Variants in GSN observed in about 807,000 individuals in gnomAD.
The protein encoded by GSN is actin-depolymerizing factor.
Under a neutral mutation model 85.7 loss-of-function variants are expected in GSN, and 56 were observed. The ratio of observed to expected loss-of-function variants is 0.65; its 90% CI spans 0.53 to 0.82. GSN has a LOEUF of 0.82. Among genes scored for constraint, GSN ranks in the 40% least tolerant of loss-of-function variants. The pLI is 0.00. For synonymous variants in GSN, 373 were observed against 399.1 expected, an observed-to-expected ratio of 0.93 and a Z score of 0.78; for missense variants, 857 against 979.8, an observed-to-expected ratio of 0.87 and a Z score of 1.67.
chr9:121,270,725 T>A (rs2055816934), intron 1 of GSN, among the ~76,000 whole-genome samples: 1 of 152,210 alleles, frequency 6.6e-6, no homozygotes, highest in South Asian at 2.1e-4. Flanking sequence ...TTGGATGCCT[T>A]CACTTTTAGC....
intron 5 of GSN, among the ~76,000 whole-genome samples, chr9:121,232,841 G>A (rs1219728860): frequency 6.6e-6 from 1 of 152,120 alleles, no homozygotes; most frequent in Non-Finnish European, 1.5e-5. Context: ...AAGAACCTCC[G>A]CTTTCCTTGA....
At chr9:121,234,173 TATTC>T (rs1251812514) in intron 5 of GSN, among the ~76,000 whole-genome samples, 14 of 152,170 alleles carry the variant, frequency 9.2e-5, no homozygotes, top group African/African-American at 3.4e-4. Flanking sequence ...CTTCTTCTTG[TATTC>T]CATTGGTTAA....
intron 7 of GSN, 96 bp from the exon 8 acceptor site, chr9:121,316,990 C>T: frequency 6.7e-7 from 1 of 1,503,398 alleles, no homozygotes; most frequent in Non-Finnish European, 9.2e-7. Flanking sequence ...CTCTACAGGG[C>T]CATTTGGGAC....
intron 6 of GSN, 196 bp downstream of exon 6, chr9:121,312,684 G>A: frequency 2.0e-6 from 1 of 511,676 alleles, no homozygotes; most frequent in South Asian, 2.7e-5. Flanking sequence ...CTGGAGTGCA[G>A]GGGCGCCATC....
At chr9:121,234,686 T>TA (rs1486294448) in intron 5 of GSN, among the ~76,000 whole-genome samples, 8 of 152,018 alleles carry the variant, frequency 5.3e-5, no homozygotes, top group East Asian at 3.9e-4. Context: ...CAAATCCAGA[T>TA]AAAAAATAAA....
At chr9:121,242,801 G>A (rs552176019) in intron 5 of GSN, among the ~76,000 whole-genome samples, 1 of 152,108 alleles carries the variant, frequency 6.6e-6, no homozygotes, top group Non-Finnish European at 1.5e-5. Flanking sequence ...GGCATGTGAT[G>A]CAATTCTGGC....
chr9:121,222,856 A>G (rs527977157), intron 4 of GSN: 1 of 151,942 alleles, frequency 6.6e-6, no homozygotes, highest in East Asian at 1.9e-4. Context: ...CCAAGTGGGT[A>G]ACGTGAGAGA....
Position 121,332,313 on chromosome 9 carries a change from G to C in GSN, c.2027-121G>C, listed in dbSNP as rs1466181371. On this transcript the variant is annotated intron_variant, in intron 17 of 17. Transcript: ENST00000432226. This position sits in a 1 kb window ranked among gnomAD's most constrained non-coding sequence, Gnocchi z 4.8. ...TGGTGCCCAGGGCAGGGGGTGGGCA[G>C]TAGGGACAGTAGGACCATAGACCCT... The C allele has an allele frequency of 3.2e-6, 3 of 928,582 alleles. No homozygotes were observed. Among genetic ancestry groups the C allele is most frequent in the African/African-American group, 1.6e-5 (1 of 61,958 alleles). The allele number at this position is 928,582 out of a possible 1,614,324, so 57.5% of individuals were successfully genotyped here.
At chr9:121,270,514 G>A (rs1046420137) in intron 1 of GSN, among the ~76,000 whole-genome samples, 4 of 152,220 alleles carry the variant, frequency 2.6e-5, no homozygotes, top group African/African-American at 9.6e-5. Context: ...CTCAGAACCT[G>A]CTATAAATTT....
At chr9:121,301,599 C>T (rs2059847026) in intron 2 of GSN, among the ~76,000 whole-genome samples, 4 of 140,356 alleles carry the variant, frequency 2.8e-5, no homozygotes, top group Non-Finnish European at 4.5e-5. Context: ...GCACTCCAGA[C>T]TGGACAACAG....
rs148414063 is a variant in GSN, at chr9:121,329,340, C to G, written c.1965+25C>G. The stretch of plus-strand genomic sequence containing the variant: ...GGTGGGTGAAGGACAGGTGAAGGCT[C>G]TCTGTGCCAGAGGGAGTGGGAGAAA... On this transcript the variant is annotated intron_variant, in intron 16 of 17. Coordinates refer to ENST00000432226, the MANE Select transcript of GSN (RefSeq NM_198252.3). The surrounding 1 kb of genome is among the most constrained non-coding windows in gnomAD (Gnocchi z 4.6). The G allele has an allele frequency of 2.6e-4, 353 of 1,382,014 alleles. 3 individuals carry two copies. The Middle Eastern group carries it at 3.5e-3, about 14-fold the overall frequency. 85.6% of individuals were successfully genotyped at this position (1,382,014 alleles called of 1,614,324 possible).
At chr9:121,237,239 T>C (rs868048999) in intron 5 of GSN, among the ~76,000 whole-genome samples, 30 of 152,290 alleles carry the variant, frequency 2.0e-4, no homozygotes, top group Non-Finnish European at 1.2e-4. Context: ...ATCTATTTAT[T>C]GTATAAGAAA....
At chr9:121,321,903 G>A (rs1182427190) in intron 11 of GSN, among the ~76,000 whole-genome samples, 4 of 151,904 alleles carry the variant, frequency 2.6e-5, no homozygotes, top group Admixed American at 6.6e-5. Flanking sequence ...CACCATGCCT[G>A]GCTAATTTTT....
intron 6 of GSN, among the ~76,000 whole-genome samples, chr9:121,253,613 T>G (rs753835008): frequency 1.3e-5 from 2 of 152,218 alleles, no homozygotes; most frequent in Non-Finnish European, 2.9e-5. Context: ...CAGGCATCAA[T>G]GTGTTCACTG....
rs188556391 is a variant in GSN, at chr9:121,247,454, A to G, written c.-388-822A>G. Among the ~76,000 whole-genome samples, 190 of 152,334 alleles carry G rather than the reference A, an allele frequency of 1.2e-3. 1 individual carries two copies. Among genetic ancestry groups the G allele is most frequent in the African/African-American group, 4.3e-3 (180 of 41,574 alleles). On this transcript the variant is annotated intron_variant, in intron 5 of 24. Transcript: ENST00000373823. The stretch of plus-strand genomic sequence containing the variant: ...GACTTCCACCTTCCATTCTAGTGAC[A>G]TAGTATTGAGAACATCCTGACTCAC...
At chr9:121,312,198 G>T in intron 5 of GSN, 141 bp from the exon 6 acceptor site, 2 of 822,090 alleles carry the variant, frequency 2.4e-6, no homozygotes. Context: ...TAATGCACGT[G>T]TGCAGACTGT....
intron 6 of GSN, among the ~76,000 whole-genome samples, chr9:121,250,872 GGTGT>G (rs34623899): frequency 0.13 from 16,859 of 134,780 alleles, 1,720 homozygotes; most frequent in African/African-American, 0.29. Flanking sequence ...GCCTGCTTGG[GGTGT>G]GTGTGTGTGT....
chr9:121,276,433 G>A (rs1476539469), intron 1 of GSN, among the ~76,000 whole-genome samples: 2 of 152,200 alleles, frequency 1.3e-5, no homozygotes, highest in South Asian at 2.1e-4. Context: ...TAGAGCCCAC[G>A]CCAGGTCCCT....
chr9:121,227,889 C>G (rs1324240702), intron 4 of GSN, among the ~76,000 whole-genome samples: 1 of 152,162 alleles, frequency 6.6e-6, no homozygotes, highest in Non-Finnish European at 1.5e-5. Flanking sequence ...ATTCTGGCTC[C>G]AGCACCCCAC....
Sources: allele counts gnomAD v4.1 joint callset (sites outside exome capture counted in the v4.1 genomes callset), GRCh38; gene constraint gnomAD v4.1.1; non-coding constraint Gnocchi (gnomAD v3.1); transcripts MANE v1.5; gene names NCBI Gene and HGNC (gene_info 2026-07-23, HGNC 2026-07-21).